The following PACRG variants were observed in gnomAD, a reference collection of about 807,000 sequenced individuals.
PACRG encodes the protein parkin coregulated.
Under a neutral mutation model 29.7 loss-of-function variants are expected in PACRG, and 29 were observed. That is an observed-to-expected ratio of 0.98 (90% CI 0.73 to 1.33). PACRG has a LOEUF of 1.33. PACRG is among the 40% of genes most tolerant of loss of function. The probability of loss-of-function intolerance (pLI) is 0.00; values close to 1 mark genes in which losing one functional copy is unlikely to be tolerated. For missense variants in PACRG, 279 were observed against 316.2 expected (o/e 0.88, Z 0.89); for synonymous variants, 116 against 118.7 (o/e 0.98, Z 0.15).
chr6:162,852,011 GGAAGGAAGGAAGGA>G (rs1450172608), intron 2 of PACRG, among the ~76,000 whole-genome samples: 4 of 145,964 alleles, frequency 2.7e-5, no homozygotes, highest in Non-Finnish European at 6.1e-5. Context: ...GAGGGAGGAA[GGAAGGAAGGAAGGA>G]AGGAAGGAAG....
chr6:163,307,774 T>A (rs1785242209), intron 4 of PACRG, among the ~76,000 whole-genome samples: 1 of 152,190 alleles, frequency 6.6e-6, no homozygotes, highest in Admixed American at 6.5e-5. Context: ...TCTTTAGGAT[T>A]CTAAAAGCAG....
chr6:162,851,997 G>GAAGGAAGGA (rs1790913053), intron 2 of PACRG, among the ~76,000 whole-genome samples: 1 of 60,914 alleles, frequency 1.6e-5, no homozygotes, highest in Non-Finnish European at 3.5e-5. Flanking sequence ...GGGAGGGAGG[G>GAAGGAAGGA]AGGGAGGGAG....
chr6:163,035,036 T>C (rs1376044357), intron 2 of PACRG, among the ~76,000 whole-genome samples: 2 of 152,160 alleles, frequency 1.3e-5, no homozygotes, highest in Admixed American at 1.3e-4. Context: ...GATGTTGCCA[T>C]GGTACTTGTA....
chr6:163,029,348 T>C (rs1807441968), intron 2 of PACRG, among the ~76,000 whole-genome samples: 1 of 152,172 alleles, frequency 6.6e-6, no homozygotes, highest in African/African-American at 2.4e-5. Context: ...TTGGTGTAAG[T>C]TGTTACAGCA....
intron 2 of PACRG, among the ~76,000 whole-genome samples, chr6:162,942,323 C>T (rs182199885): frequency 6.6e-6 from 1 of 152,052 alleles, no homozygotes; most frequent in African/African-American, 2.4e-5. Context: ...ACTTCCTGTC[C>T]CCCTCTCTTC....
chr6:163,311,459 C>T (rs1301673122), intron 4 of PACRG, among the ~76,000 whole-genome samples: 1 of 152,134 alleles, frequency 6.6e-6, no homozygotes, highest in South Asian at 2.1e-4. Context: ...GTATTTTTCA[C>T]GTGTCGCATG....
chr6:162,995,675 A>T (rs1326518779), intron 2 of PACRG, among the ~76,000 whole-genome samples: 1 of 152,172 alleles, frequency 6.6e-6, no homozygotes, highest in Middle Eastern at 3.2e-3. Context: ...GGTACCTCCG[A>T]TGGAAATGCA....
intron 3 of PACRG, among the ~76,000 whole-genome samples, chr6:163,079,517 ATT>A (rs1812873328): frequency 6.6e-6 from 1 of 152,092 alleles, no homozygotes; most frequent in Admixed American, 6.5e-5. Flanking sequence ...GATACAGTTT[ATT>A]TATTATCTCC....
intron 1 of PACRG, among the ~76,000 whole-genome samples, chr6:162,749,902 A>G (rs1209445758): frequency 6.6e-6 from 1 of 152,216 alleles, no homozygotes; most frequent in Non-Finnish European, 1.5e-5. Context: ...AACATTCACC[A>G]TTGATTTATA....
intron 4 of PACRG, among the ~76,000 whole-genome samples, chr6:163,260,017 T>A (rs1016266550): frequency 1.3e-5 from 2 of 152,198 alleles, no homozygotes; most frequent in African/African-American, 2.4e-5. Flanking sequence ...GATGTCCTGA[T>A]GAGGGTGCCC....
At chr6:163,121,711 G>A (rs1245079529) in intron 4 of PACRG, among the ~76,000 whole-genome samples, 3 of 140,368 alleles carry the variant, frequency 2.1e-5, no homozygotes, top group Non-Finnish European at 4.5e-5. Context: ...TGTCACCCAA[G>A]CTGGAGTGCA....
At chr6:163,174,618 C>G (rs1004531721) in intron 4 of PACRG, among the ~76,000 whole-genome samples, 1 of 152,172 alleles carries the variant, frequency 6.6e-6, no homozygotes, top group African/African-American at 2.4e-5. Flanking sequence ...TAAGGACCAT[C>G]GCAGGAGAAT....
chr6:163,044,384 C>T (rs571552), intron 2 of PACRG, among the ~76,000 whole-genome samples: 63,985 of 151,898 alleles, frequency 0.42, 14,747 homozygotes, highest in East Asian at 0.7. Context: ...CCAGGCTGGT[C>T]TCTAATTCCT....
chr6:163,232,063 G>A (rs556035265), intron 4 of PACRG, among the ~76,000 whole-genome samples: 1 of 152,244 alleles, frequency 6.6e-6, no homozygotes, highest in East Asian at 1.9e-4. Flanking sequence ...AGTGGGCACT[G>A]ACTTGCTGGG....
At chr6:163,262,445 G>A (rs1783361343) in intron 4 of PACRG, among the ~76,000 whole-genome samples, 1 of 152,080 alleles carries the variant, frequency 6.6e-6, no homozygotes, top group Non-Finnish European at 1.5e-5. Flanking sequence ...GTAAATTCAG[G>A]TTGGCTTTAT....
intron 4 of PACRG, among the ~76,000 whole-genome samples, chr6:163,105,172 A>G (rs115333514): frequency 0.01 from 1,584 of 152,264 alleles, 30 homozygotes; most frequent in African/African-American, 0.037. Flanking sequence ...CTGAGTAATA[A>G]TCACTTGGCA....
chr6:162,787,582 G>GTGTGTA (rs1198197561), intron 1 of PACRG, among the ~76,000 whole-genome samples: 672 of 62,228 alleles, frequency 0.011, 4 homozygotes, highest in East Asian at 0.023. Context: ...GTGTGTGTGT[G>GTGTGTA]TATATATATA....
intron 3 of PACRG, among the ~76,000 whole-genome samples, chr6:163,073,707 A>G (rs1812286195): frequency 6.6e-6 from 1 of 152,252 alleles, no homozygotes; most frequent in South Asian, 2.1e-4. Context: ...AACAGCTAGA[A>G]TGTATTAGGA....
intron 2 of PACRG, among the ~76,000 whole-genome samples, chr6:162,836,744 A>G (rs1282031564): frequency 2.0e-5 from 3 of 152,096 alleles, no homozygotes; most frequent in Non-Finnish European, 4.4e-5. Context: ...TTCTTAGCAT[A>G]TTCTTACAAC....
Sources: gnomAD v4.1 joint callset for allele counts (sites outside exome capture counted in the v4.1 genomes callset) on GRCh38, gnomAD v4.1.1 for gene constraint, MANE v1.5 for transcripts, NCBI Gene and HGNC (gene_info 2026-07-23, HGNC 2026-07-21) for gene names.